The following CFAP54 variants were observed in gnomAD, a reference collection of about 807,000 sequenced individuals.
The protein encoded by CFAP54 is cilia and flagella associated protein 54.
CFAP54 carries 290 observed loss-of-function variants against 370.4 expected under a neutral mutation model. That is an observed-to-expected ratio of 0.78 (90% CI 0.71 to 0.86). The LOEUF (loss-of-function observed/expected upper bound fraction) is 0.86. Among genes scored for constraint, CFAP54 ranks in the 40% least tolerant of loss-of-function variants. The pLI, the probability that CFAP54 is intolerant of heterozygous loss-of-function variation, is 0.00. For synonymous variants in CFAP54, 1,206 were observed against 1,236.5 expected (o/e 0.98, Z 0.52); for missense variants, 3,399 against 3,528.7 (o/e 0.96, Z 0.93).
At chr12:96,557,649 T>G (rs1357675429) in intron 17 of CFAP54, among the ~76,000 whole-genome samples, 1 of 152,084 alleles carries the variant, frequency 6.6e-6, no homozygotes, top group African/African-American at 2.4e-5. Flanking sequence ...TAATTTTTGT[T>G]TTAAAACAGT....
At chr12:96,862,728 A>G (rs548154563) in intron 67 of CFAP54, among the ~76,000 whole-genome samples, 2 of 152,206 alleles carry the variant, frequency 1.3e-5, no homozygotes, top group African/African-American at 4.8e-5. Flanking sequence ...ATAAAGTTTG[A>G]TTCAAACAGA....
chr12:96,553,631 A>G (rs1196029120), intron 15 of CFAP54, among the ~76,000 whole-genome samples: 3 of 150,356 alleles, frequency 2.0e-5, no homozygotes, highest in African/African-American at 7.3e-5. Flanking sequence ...CTGGAAAAAT[A>G]TGGAAAATTT....
chr12:96,557,950 T>G (rs555350641), intron 17 of CFAP54, among the ~76,000 whole-genome samples: 6 of 152,164 alleles, frequency 3.9e-5, no homozygotes, highest in Admixed American at 3.9e-4. Flanking sequence ...GAAGACATTA[T>G]GTATAACTCA....
chr12:96,578,616 T>C (rs1419158299), intron 20 of CFAP54, among the ~76,000 whole-genome samples: 2 of 152,224 alleles, frequency 1.3e-5, no homozygotes, highest in African/African-American at 2.4e-5. Context: ...ATTTGGCCTA[T>C]AGTTTTAGGA....
intron 57 of CFAP54, among the ~76,000 whole-genome samples, chr12:96,756,994 A>G (rs1454572676): frequency 1.3e-5 from 2 of 152,208 alleles, no homozygotes; most frequent in African/African-American, 4.8e-5. Flanking sequence ...CCTTTATTAC[A>G]ACTGCACTGA....
chr12:96,708,439 G>T (rs7302798), intron 47 of CFAP54, among the ~76,000 whole-genome samples, 169 bp from the exon 48 acceptor site: 37,307 of 151,918 alleles, frequency 0.25, 4,772 homozygotes, highest in South Asian at 0.29. Flanking sequence ...CTGTTGAGAT[G>T]GTTCCGATGT....
chr12:96,760,017 G>T (rs1294295992), intron 58 of CFAP54, among the ~76,000 whole-genome samples: 3 of 152,130 alleles, frequency 2.0e-5, no homozygotes, highest in African/African-American at 7.2e-5. Context: ...AGGGCTTAAT[G>T]TACATTAACC....
chr12:96,740,082 GTTCT>G (rs1565960836), intron 51 of CFAP54, 21 bp downstream of exon 51: 1 of 1,280,566 alleles, frequency 7.8e-7, no homozygotes, highest in Non-Finnish European at 1.1e-6. Context: ...CTTAATGTCT[GTTCT>G]TACAATACTT....
At chr12:96,648,555 T>C (rs904693156) in intron 34 of CFAP54, among the ~76,000 whole-genome samples, 4 of 147,774 alleles carry the variant, frequency 2.7e-5, no homozygotes, top group Non-Finnish European at 5.9e-5. Context: ...CTCCAAAAGG[T>C]AGAGACATGC....
chr12:96,818,638 T>C (rs1959001030), intron 65 of CFAP54, among the ~76,000 whole-genome samples: 1 of 152,232 alleles, frequency 6.6e-6, no homozygotes, highest in East Asian at 1.9e-4. Flanking sequence ...CACACCTGTG[T>C]AACCACAGGG....
intron 19 of CFAP54, among the ~76,000 whole-genome samples, chr12:96,568,862 A>C (rs1280180121): frequency 6.6e-6 from 1 of 151,684 alleles, no homozygotes; most frequent in Admixed American, 6.6e-5. Context: ...AATGAGGGAC[A>C]AACCTTTGAT....
chr12:96,617,832 T>C (rs993436485), intron 26 of CFAP54, among the ~76,000 whole-genome samples: 1 of 151,666 alleles, frequency 6.6e-6, no homozygotes, highest in Non-Finnish European at 1.5e-5. Context: ...TTACTAAAAA[T>C]ACAAAAAATT....
chr12:96,862,813 C>T (rs1043917763), intron 67 of CFAP54, among the ~76,000 whole-genome samples: 18 of 152,090 alleles, frequency 1.2e-4, no homozygotes, highest in East Asian at 1.9e-4. Flanking sequence ...GGGGTTTACA[C>T]GTTTCTTTGC....
intron 17 of CFAP54, among the ~76,000 whole-genome samples, chr12:96,561,981 T>G (rs1955821124): frequency 2.0e-5 from 3 of 152,010 alleles, no homozygotes; most frequent in African/African-American, 7.3e-5. Flanking sequence ...AAATGGGGTT[T>G]CACCATGTTG....
intron 47 of CFAP54, 35 bp downstream of exon 47, chr12:96,704,831 C>G (rs12322697): frequency 3.6e-6 from 3 of 831,692 alleles, no homozygotes; most frequent in Admixed American, 2.9e-5. Context: ...CATGGTTTTC[C>G]TAAGTGTGGA....
At chr12:96,867,870 C>T (rs573386214) in intron 67 of CFAP54, among the ~76,000 whole-genome samples, 1 of 152,070 alleles carries the variant, frequency 6.6e-6, no homozygotes, top group African/African-American at 2.4e-5. Flanking sequence ...GTTGTACGCT[C>T]AAAAATTGCT....
intron 5 of CFAP54, among the ~76,000 whole-genome samples, chr12:96,518,056 G>T (rs1271005625): frequency 6.6e-6 from 1 of 152,142 alleles, no homozygotes; most frequent in Non-Finnish European, 1.5e-5. Context: ...CATGTACGTT[G>T]TCACTTTCTC....
intron 26 of CFAP54, among the ~76,000 whole-genome samples, chr12:96,599,155 C>T (rs968837776): frequency 6.6e-6 from 1 of 150,610 alleles, no homozygotes; most frequent in African/African-American, 2.5e-5. Context: ...CTATCCCTCC[C>T]CCAGCCCCCC....
At chr12:96,748,814 A>T (rs1376244699) in intron 55 of CFAP54, among the ~76,000 whole-genome samples, 2 of 152,194 alleles carry the variant, frequency 1.3e-5, no homozygotes, top group African/African-American at 4.8e-5. Flanking sequence ...TTTTACCAGC[A>T]TATGTCTGGG....
Sources: allele counts gnomAD v4.1 joint callset (sites outside exome capture counted in the v4.1 genomes callset), GRCh38; gene constraint gnomAD v4.1.1; transcripts MANE v1.5; gene names NCBI Gene and HGNC (gene_info 2026-07-23, HGNC 2026-07-21).